PTPRN2: variants seen among roughly 807,000 people sequenced by gnomAD.
PTPRN2 encodes the protein protein tyrosine phosphatase receptor type N2.
In PTPRN2, 74 loss-of-function variants were observed where a neutral mutation model predicts 118.8. The ratio of observed to expected loss-of-function variants is 0.62; its 90% confidence interval spans 0.52 to 0.76. The LOEUF is 0.76. PTPRN2 is among the 30% of genes least tolerant of loss of function. The pLI, the probability that PTPRN2 is intolerant of heterozygous loss-of-function variation, is 0.00. For missense variants in PTPRN2, 1,481 were observed against 1,394.4 expected (o/e 1.06, Z -0.99); for synonymous variants, 641 against 608.0 (o/e 1.05, Z -0.80).
At position 158,336,509 on chromosome 7, in the gene PTPRN2, C is replaced by A. The variant is rs572555080; in HGVS notation, c.164-19577G>T. Among the ~76,000 whole-genome samples, 11 of 131,690 alleles carry A rather than the reference C, an allele frequency of 8.4e-5. 1 individual carries two copies. The highest frequency in any genetic ancestry group is 6.8e-4 in the Admixed American group (9 of 13,154). The allele number at this position is 131,690 out of a possible 152,430, so 86.4% of individuals were successfully genotyped here. A position where few individuals can be genotyped will look rare whatever the true frequency, so the allele number is the denominator to read the frequency against. On this transcript the variant is annotated intron_variant, in intron 2 of 22. Coordinates refer to ENST00000389418, the MANE Select transcript of PTPRN2 (RefSeq NM_002847.5). ...TGACGCCCGCAGATGTCACTCACACCCACACTCTCACCATAAGAGGTGAAA... is the reference window on the plus strand; with the variant it reads ...TGACGCCCGCAGATGTCACTCACACACACACTCTCACCATAAGAGGTGAAA...
chr7:158,159,509 A>C (rs530244942), intron 6 of PTPRN2, among the ~76,000 whole-genome samples: 2 of 152,334 alleles, frequency 1.3e-5, no homozygotes, highest in African/African-American at 4.8e-5. Context: ...TGAATTAGGG[A>C]CTTGTAATTC....
chr7:157,645,791 C>T (rs1029568877), intron 14 of PTPRN2, among the ~76,000 whole-genome samples: 7 of 152,190 alleles, frequency 4.6e-5, no homozygotes, highest in Admixed American at 1.3e-4. Flanking sequence ...GCACCCCTGC[C>T]GTGGTTACCT....
At chr7:158,446,647 AAT>A (rs1817748858) in intron 2 of PTPRN2, among the ~76,000 whole-genome samples, 1 of 152,262 alleles carries the variant, frequency 6.6e-6, no homozygotes, top group Non-Finnish European at 1.5e-5. Context: ...TCCCTGGTGT[AAT>A]TTCCTCAGAG....
At chr7:158,220,343 T>G (rs1563619078) in intron 3 of PTPRN2, among the ~76,000 whole-genome samples, 1 of 151,890 alleles carries the variant, frequency 6.6e-6, no homozygotes, top group Non-Finnish European at 1.5e-5. Flanking sequence ...GGGAAAGAAA[T>G]AAAAGGTATC....
chr7:158,518,190 A>G (rs1402747159), intron 1 of PTPRN2, among the ~76,000 whole-genome samples: 2 of 152,154 alleles, frequency 1.3e-5, no homozygotes, highest in Non-Finnish European at 2.9e-5. Flanking sequence ...CAATCTATCA[A>G]TTAATTAATA....
chr7:158,322,907 G>A (rs1803157464), intron 2 of PTPRN2, among the ~76,000 whole-genome samples: 1 of 152,186 alleles, frequency 6.6e-6, no homozygotes, highest in South Asian at 2.1e-4. Context: ...CCCAACCAGG[G>A]GATGGTGGCT....
intron 11 of PTPRN2, among the ~76,000 whole-genome samples, chr7:158,010,772 AC>A (rs1805990419): frequency 3.9e-5 from 6 of 152,210 alleles, no homozygotes; most frequent in African/African-American, 1.4e-4. Flanking sequence ...CTGCTGCCTT[AC>A]ACACAGTAAA....
At chr7:157,885,649 A>T (rs1797864784) in intron 12 of PTPRN2, among the ~76,000 whole-genome samples, 1 of 152,082 alleles carries the variant, frequency 6.6e-6, no homozygotes, top group African/African-American at 2.4e-5. Context: ...TATCTCATGA[A>T]CTCTGCCAGG....
At chr7:158,500,648 C>T (rs144424497) in intron 1 of PTPRN2, among the ~76,000 whole-genome samples, 26 of 152,372 alleles carry the variant, frequency 1.7e-4, no homozygotes, top group Middle Eastern at 6.8e-3. Context: ...ATCCTGCAGA[C>T]GCTGCCAAAC....
chr7:157,905,886 C>T (rs1342127894), intron 11 of PTPRN2, among the ~76,000 whole-genome samples: 1 of 152,164 alleles, frequency 6.6e-6, no homozygotes, highest in Non-Finnish European at 1.5e-5. Context: ...GATCCTCCTC[C>T]CTTATGGGGT....
At chr7:158,202,132 C>T (rs766259165) in intron 4 of PTPRN2, among the ~76,000 whole-genome samples, 5 of 152,044 alleles carry the variant, frequency 3.3e-5, no homozygotes, top group Admixed American at 6.5e-5. Context: ...TACCAATAAT[C>T]GTGGAAGACA....
chr7:158,413,788 T>C (rs1229492146), intron 2 of PTPRN2, among the ~76,000 whole-genome samples: 1 of 152,190 alleles, frequency 6.6e-6, no homozygotes, highest in Non-Finnish European at 1.5e-5. Context: ...AGCACTTGTG[T>C]GTCCAGGCCC....
At chr7:157,816,331 T>C (rs1009774776) in intron 12 of PTPRN2, among the ~76,000 whole-genome samples, 1 of 152,016 alleles carries the variant, frequency 6.6e-6, no homozygotes, top group Non-Finnish European at 1.5e-5. Context: ...GGTGAATGAG[T>C]GATGGGTTCC....
chr7:157,776,054 TCTC>T (rs1376361181), intron 12 of PTPRN2, among the ~76,000 whole-genome samples: 4 of 151,090 alleles, frequency 2.6e-5, no homozygotes, highest in East Asian at 2.0e-4. Context: ...ACCTCCTCCC[TCTC>T]CTCCTCCTCT....
intron 14 of PTPRN2, among the ~76,000 whole-genome samples, chr7:157,621,831 G>A (rs964712159): frequency 9.9e-5 from 15 of 152,078 alleles, no homozygotes; most frequent in Admixed American, 9.2e-4. Context: ...CCAAGCTCTC[G>A]GTGGGGCTGC....
intron 1 of PTPRN2, among the ~76,000 whole-genome samples, chr7:158,562,607 T>C (rs1378058251): frequency 6.6e-6 from 1 of 152,210 alleles, no homozygotes; most frequent in African/African-American, 2.4e-5. Context: ...AACCCAGTGT[T>C]ATGTTAAAGT....
chr7:158,150,405 C>T (rs141088089), intron 6 of PTPRN2, among the ~76,000 whole-genome samples: 98 of 152,306 alleles, frequency 6.4e-4, no homozygotes, highest in African/African-American at 2.3e-3. Context: ...CTGAGATGTC[C>T]ACCCTCAGCA....
At chr7:158,548,713 G>T (rs1016480095) in intron 1 of PTPRN2, among the ~76,000 whole-genome samples, 2 of 152,176 alleles carry the variant, frequency 1.3e-5, no homozygotes, top group African/African-American at 4.8e-5. Context: ...CGGGTTCTCC[G>T]TGTGACTTCA....
At chr7:158,451,816 T>C (rs756579434) in intron 2 of PTPRN2, among the ~76,000 whole-genome samples, 2 of 152,218 alleles carry the variant, frequency 1.3e-5, no homozygotes, top group Non-Finnish European at 2.9e-5. Flanking sequence ...CCTTAGATAT[T>C]GGGCTGTCTT....
Sources: allele counts gnomAD v4.1 joint callset (sites outside exome capture counted in the v4.1 genomes callset), GRCh38; gene constraint gnomAD v4.1.1; transcripts MANE v1.5; gene names NCBI Gene and HGNC (gene_info 2026-07-23, HGNC 2026-07-21).